The following RIMS2 variants were observed in gnomAD, a reference collection of about 807,000 sequenced individuals.
The protein encoded by RIMS2 is regulating synaptic membrane exocytosis protein 2.
RIMS2 carries 59 observed loss-of-function variants against 174.4 expected under a neutral mutation model. The ratio of observed to expected loss-of-function variants is 0.34; its 90% CI spans 0.27 to 0.42. The LOEUF is 0.42. Among genes scored for constraint, RIMS2 ranks in the 10% least tolerant of loss-of-function variants. The pLI is 1.00. For missense variants in RIMS2, 1,620 were observed against 1,666.3 expected (o/e 0.97, Z 0.48); for synonymous variants, 606 against 572.5 (o/e 1.06, Z -0.84).
chr8:103,550,605 C>G, intron 1 of RIMS2, among the ~76,000 whole-genome samples: 2 of 151,904 alleles, frequency 1.3e-5, no homozygotes, highest in Non-Finnish European at 2.9e-5. Flanking sequence ...TAACTAAGAT[C>G]AGAGCAGAAC....
intron 19 of RIMS2, among the ~76,000 whole-genome samples, chr8:104,039,963 A>G (rs970699027): frequency 1.3e-5 from 2 of 151,668 alleles, no homozygotes; most frequent in African/African-American, 2.4e-5. Flanking sequence ...ATATAATAAT[A>G]AAAATGATAT....
At chr8:104,038,523 C>A (rs555281012) in intron 19 of RIMS2, among the ~76,000 whole-genome samples, 1 of 151,910 alleles carries the variant, frequency 6.6e-6, no homozygotes, top group African/African-American at 2.4e-5. Context: ...CTCATTAGAA[C>A]CCTTCATTAA....
chr8:104,045,707 GAT>G (rs2096682376), intron 19 of RIMS2, among the ~76,000 whole-genome samples: 1 of 151,594 alleles, frequency 6.6e-6, no homozygotes, highest in South Asian at 2.1e-4. Context: ...TTTTTGTTAT[GAT>G]ATGTTAATAA....
chr8:104,251,844 C>G (rs761386368), exon 24 of RIMS2: 3 of 1,140,186 alleles, frequency 2.6e-6, no homozygotes, highest in East Asian at 5.0e-5. Context: ...ATTGTTGTCA[C>G]AGCAACCAGC....
At chr8:104,255,139 C>T (rs2099366123), downstream of RIMS2, 1 of 152,120 alleles carries the variant, frequency 6.6e-6, no homozygotes, top group Admixed American at 6.5e-5. Flanking sequence ...CAACCATTTC[C>T]TCCATTTCCA....
chr8:103,786,526 G>A (rs1333768128), intron 3 of RIMS2, among the ~76,000 whole-genome samples: 1 of 152,076 alleles, frequency 6.6e-6, no homozygotes, highest in Non-Finnish European at 1.5e-5. Context: ...ACTTCGTTAT[G>A]TACCCAGTAG....
chr8:103,721,524 A>G (rs1411076546), intron 2 of RIMS2, among the ~76,000 whole-genome samples: 1 of 152,220 alleles, frequency 6.6e-6, no homozygotes, highest in Non-Finnish European at 1.5e-5. Flanking sequence ...ATGATTTAAA[A>G]TGACTTTCAG....
intron 1 of RIMS2, among the ~76,000 whole-genome samples, chr8:103,577,496 G>T (rs1318150336): frequency 2.6e-5 from 4 of 152,284 alleles, no homozygotes; most frequent in Admixed American, 2.6e-4. Flanking sequence ...AGCATTAGGA[G>T]AAATATGCAA....
chr8:103,865,935 T>G (rs1209127861), intron 3 of RIMS2, among the ~76,000 whole-genome samples: 1 of 152,210 alleles, frequency 6.6e-6, no homozygotes, highest in Non-Finnish European at 1.5e-5. Flanking sequence ...TCATTTCAAC[T>G]TATTTCTACA....
chr8:103,668,653 G>C (rs958130265), intron 1 of RIMS2, among the ~76,000 whole-genome samples: 20 of 149,186 alleles, frequency 1.3e-4, no homozygotes, highest in African/African-American at 4.2e-4. Context: ...GAGTATAGAC[G>C]ATTTATTTAT....
At chr8:103,969,337 C>A (rs868575443) in intron 15 of RIMS2, among the ~76,000 whole-genome samples, 4 of 152,028 alleles carry the variant, frequency 2.6e-5, no homozygotes, top group Non-Finnish European at 5.9e-5. Context: ...ATATGTTATA[C>A]CTTGTGTAGT....
intron 3 of RIMS2, among the ~76,000 whole-genome samples, chr8:103,864,094 G>T (rs910288181): frequency 3.3e-5 from 5 of 151,594 alleles, no homozygotes; most frequent in African/African-American, 9.7e-5. Flanking sequence ...TTTTTAGTAA[G>T]GATGGGGTTT....
At chr8:104,000,110 C>A (rs1278951987) in intron 17 of RIMS2, among the ~76,000 whole-genome samples, 1 of 151,632 alleles carries the variant, frequency 6.6e-6, no homozygotes, top group Non-Finnish European at 1.5e-5. Flanking sequence ...GTCTAGTGAC[C>A]TAGACAATAT....
At chr8:103,697,985 T>A (rs1297222184) in intron 2 of RIMS2, among the ~76,000 whole-genome samples, 2 of 59,732 alleles carry the variant, frequency 3.3e-5, no homozygotes, top group Non-Finnish European at 7.9e-5. Flanking sequence ...AAGAAAAAAA[T>A]TTGTGTCAGT....
At chr8:104,000,699 T>C (rs991997395) in intron 17 of RIMS2, among the ~76,000 whole-genome samples, 10 of 151,928 alleles carry the variant, frequency 6.6e-5, no homozygotes, top group African/African-American at 2.4e-4. Context: ...CTCCCCTTTC[T>C]CTTCATTCTC....
intron 1 of RIMS2, among the ~76,000 whole-genome samples, chr8:103,539,883 G>A (rs1024347873): frequency 3.3e-5 from 5 of 152,240 alleles, no homozygotes; most frequent in African/African-American, 9.6e-5. Flanking sequence ...TTGCCATAGT[G>A]AGTTAATTTG....
intron 19 of RIMS2, among the ~76,000 whole-genome samples, chr8:104,139,617 TG>T (rs2098550099): frequency 6.6e-6 from 1 of 152,222 alleles, no homozygotes; most frequent in Non-Finnish European, 1.5e-5. Flanking sequence ...TTTTATGTCC[TG>T]CAACTTTCCT....
intron 19 of RIMS2, among the ~76,000 whole-genome samples, chr8:104,194,178 A>G (rs1024845691): frequency 5.9e-5 from 9 of 152,092 alleles, no homozygotes; most frequent in Admixed American, 2.0e-4. Flanking sequence ...AAATGCTCCT[A>G]TAGACCCTTT....
intron 19 of RIMS2, among the ~76,000 whole-genome samples, chr8:104,018,515 T>A (rs1275335254): frequency 6.6e-6 from 1 of 152,210 alleles, no homozygotes; most frequent in Non-Finnish European, 1.5e-5. Context: ...TTCCCTGATG[T>A]TTAAATCAAA....
Sources: allele counts gnomAD v4.1 joint callset (sites outside exome capture counted in the v4.1 genomes callset), GRCh38; gene constraint gnomAD v4.1.1; transcripts MANE v1.5; gene names NCBI Gene and HGNC (gene_info 2026-07-23, HGNC 2026-07-21).